UNC13C: variants seen among roughly 807,000 people sequenced by gnomAD.
UNC13C encodes the protein protein unc-13 homolog C.
In UNC13C, 174 loss-of-function variants were observed where a neutral mutation model predicts 245.4. That is an observed-to-expected ratio of 0.71 (90% CI 0.63 to 0.80). UNC13C has a LOEUF of 0.80. Ranked by LOEUF, UNC13C falls within the 30% of genes least tolerant of loss-of-function variation. UNC13C has a pLI of 0.00. For synonymous variants in UNC13C, 992 were observed against 895.1 expected (o/e 1.11, Z -1.93); for missense variants, 2,829 against 2,602.9 (o/e 1.09, Z -1.89).
intron 17 of UNC13C, among the ~76,000 whole-genome samples, chr15:54,379,485 TA>T (rs2039675056): frequency 1.3e-5 from 2 of 152,196 alleles, no homozygotes; most frequent in Non-Finnish European, 2.9e-5. Flanking sequence ...AGTTATCTTT[TA>T]TAGCCTTTAT....
At chr15:54,167,899 A>G (rs538942987) in intron 4 of UNC13C, among the ~76,000 whole-genome samples, 3 of 152,304 alleles carry the variant, frequency 2.0e-5, no homozygotes, top group African/African-American at 7.2e-5. Context: ...TTTTAGAAAT[A>G]TGAAAATCAA....
chr15:54,309,327 C>A (rs935700838), intron 13 of UNC13C, among the ~76,000 whole-genome samples: 10 of 151,836 alleles, frequency 6.6e-5, no homozygotes, highest in African/African-American at 2.4e-4. Context: ...TATTCAGATC[C>A]TTTGCCCATT....
At chr15:54,500,742 C>A (rs144816169) in intron 21 of UNC13C, 93 bp from the exon 22 acceptor site, 4 of 984,018 alleles carry the variant, frequency 4.1e-6, no homozygotes, top group Admixed American at 2.3e-5. Flanking sequence ...ATATGTGATA[C>A]GGGAGATTCA....
At chr15:54,466,711 C>A (rs939478879) in intron 19 of UNC13C, among the ~76,000 whole-genome samples, 5 of 151,838 alleles carry the variant, frequency 3.3e-5, no homozygotes, top group African/African-American at 1.2e-4. Context: ...TATCAGTGTT[C>A]CATGGACATT....
chr15:54,035,620 T>C (rs1346022322), intron 2 of UNC13C, among the ~76,000 whole-genome samples: 2 of 152,202 alleles, frequency 1.3e-5, no homozygotes, highest in South Asian at 2.1e-4. Context: ...TGGAGGTGAC[T>C]GGATTTCTGA....
intron 4 of UNC13C, 83 bp from the exon 5 acceptor site, chr15:54,234,947 A>C: frequency 1.6e-6 from 2 of 1,236,948 alleles, no homozygotes; most frequent in East Asian, 4.7e-5. Context: ...TTTTTCACAG[A>C]CTTTATACCA....
intron 17 of UNC13C, among the ~76,000 whole-genome samples, chr15:54,350,292 T>G (rs1455721931): frequency 1.3e-5 from 2 of 152,194 alleles, no homozygotes; most frequent in Admixed American, 1.3e-4. Flanking sequence ...GCCTGGCCTA[T>G]TTTTCTAAAA....
chr15:54,527,318 G>GAAA (rs1895513890), intron 25 of UNC13C, among the ~76,000 whole-genome samples: 3 of 152,088 alleles, frequency 2.0e-5, no homozygotes, highest in Admixed American at 2.0e-4. Flanking sequence ...AATTAACATG[G>GAAA]GGTTAGCAGA....
intron 8 of UNC13C, among the ~76,000 whole-genome samples, chr15:54,262,243 A>G (rs932145228): frequency 1.3e-5 from 2 of 152,226 alleles, no homozygotes; most frequent in African/African-American, 4.8e-5. Context: ...CCATGACTTT[A>G]GCACTCCTTC....
intron 17 of UNC13C, among the ~76,000 whole-genome samples, chr15:54,344,667 T>TCTC (rs1173027257): frequency 1.3e-5 from 2 of 152,198 alleles, no homozygotes; most frequent in African/African-American, 4.8e-5. Flanking sequence ...TTAAGGCTTA[T>TCTC]CTCCCCTCAG....
chr15:54,206,811 T>A (rs941299732), intron 4 of UNC13C, among the ~76,000 whole-genome samples: 7 of 152,044 alleles, frequency 4.6e-5, no homozygotes, highest in African/African-American at 1.7e-4. Flanking sequence ...TCTAGAAAAT[T>A]ATAGCGAAGT....
chr15:53,946,178 AAC>A, the UNC13C span, among the ~76,000 whole-genome samples: 1 of 152,136 alleles, frequency 6.6e-6, no homozygotes, highest in African/African-American at 2.4e-5. Flanking sequence ...CACGTCTACA[AAC>A]ACAGATCATT....
In UNC13C at chr15:54,404,808, A is replaced by G. The variant is rs75478399; in HGVS notation, c.4848-10174A>G. ...CACAGTTAGGAATTTATTTGTAGTT[A>G]ATGTATGAATTGTTAGTGTATAGCT... On this transcript the variant is annotated intron_variant, in intron 18 of 32. Transcript: ENST00000260323. 3.8e-3 allele frequency among the ~76,000 whole-genome samples: 572 copies of G among 152,264 alleles called. 27 individuals carry two copies. The East Asian group carries it at 0.082, about 22-fold the overall frequency.
chr15:54,482,440 T>G (rs945727118), intron 19 of UNC13C, among the ~76,000 whole-genome samples: 1 of 152,220 alleles, frequency 6.6e-6, no homozygotes, highest in African/African-American at 2.4e-5. Context: ...CAAAGGGTTC[T>G]CCTGTGTTAG....
rs577123144 is a variant in UNC13C, at chr15:54,264,190, A to G, written c.3471A>G (p.Lys1157=). 19 of 1,582,582 alleles carry G rather than the reference A, an allele frequency of 1.2e-5. No homozygotes were observed. The African/African-American group carries it at 2.6e-4, about 21-fold the overall frequency. ...CLQRAAEKSS[K]HGAEDKTQTI... ...TAGGAGCAGCAGAAAAGAGTTCTAA[A>G]CATGGTGCCGAAGACAAGACTCAGA... is the stretch of plus-strand genomic sequence containing the variant. Residue 1157 remains lysine (K), a synonymous_variant, in exon 9 of 33, where the codon AAA becomes AAG. Coordinates refer to ENST00000260323, the MANE Select transcript of UNC13C (RefSeq NM_001080534.3).
chr15:54,094,456 T>C (rs1258200125), intron 2 of UNC13C, among the ~76,000 whole-genome samples: 2 of 152,204 alleles, frequency 1.3e-5, no homozygotes, highest in Non-Finnish European at 2.9e-5. Flanking sequence ...TAACTGGTAC[T>C]CATGAGTGTG....
intron 2 of UNC13C, among the ~76,000 whole-genome samples, chr15:54,033,967 A>G (rs1896469469): frequency 6.6e-6 from 1 of 152,206 alleles, no homozygotes; most frequent in Non-Finnish European, 1.5e-5. Context: ...ATTTAGTCCA[A>G]CTTTGCTGGC....
chr15:54,014,317 G>A lies in UNC13C; in HGVS notation c.1414G>A (p.Glu472Lys), dbSNP rs1173213264. Residue 472 changes from glutamate (E) to lysine (K), a missense_variant, in exon 2 of 33, where the codon GAG becomes AAG. Glu to Lys is a moderately conservative substitution (Grantham distance 56). Coordinates refer to ENST00000260323, the MANE Select transcript of UNC13C (RefSeq NM_001080534.3). Reference protein sequence around the residue: ...RNSYAVLSKSELLTKGSTSKP... With the variant: ...RNSYAVLSKSKLLTKGSTSKP... ...CAGTTACGCTGTGCTTTCCAAGTCA[G>A]AGCTTCTAACAAAGGGAAGTACTTC... 6.2e-7 allele frequency: 1 copy of A among 1,613,910 alleles called. No individual in the cohort carries two copies. The highest frequency in any genetic ancestry group is 8.5e-7 in the Non-Finnish European group (1 of 1,179,836).
intron 29 of UNC13C, among the ~76,000 whole-genome samples, chr15:54,559,681 A>G (rs989349403): frequency 6.6e-6 from 1 of 152,008 alleles, no homozygotes. Flanking sequence ...TTTCCAGGGA[A>G]AAGCTTCCCA....
Sources: gnomAD v4.1 joint callset for allele counts (sites outside exome capture counted in the v4.1 genomes callset) on GRCh38, gnomAD v4.1.1 for gene constraint, MANE v1.5 for transcripts, NCBI Gene and HGNC (gene_info 2026-07-23, HGNC 2026-07-21) for gene names.